The following MUC5AC variants were observed in gnomAD, a reference collection of about 807,000 sequenced individuals.
MUC5AC encodes mucin-5AC.
In MUC5AC, 158 loss-of-function variants were observed where a neutral mutation model predicts 169.7. That is an observed-to-expected ratio of 0.93 (90% CI 0.82 to 1.06). The LOEUF is 1.06. Among genes scored for constraint, MUC5AC ranks in the 50% least tolerant of loss-of-function variants. The pLI is 0.00. For synonymous variants in MUC5AC, 1,975 were observed against 1,237.0 expected, an observed-to-expected ratio of 1.60 and a Z score of -12.52; for missense variants, 4,359 against 3,089.9, an observed-to-expected ratio of 1.41 and a Z score of -9.74.
chr11:1,198,166 A>AGCCC lies in MUC5AC; in HGVS notation c.16136-100_16136-97dup, dbSNP rs1861332988. On this transcript the variant is annotated intron_variant, in intron 42 of 48. Coordinates refer to ENST00000621226, the MANE Select transcript of MUC5AC (RefSeq NM_001304359.2). ...TGAGGCTGGACAAACCCCAGTGGCG[A>AGCCC]GCCCGGGAATGAGGCGCCCAGGAGG... is the stretch of plus-strand genomic sequence containing the variant. The AGCCC allele has an allele frequency of 1.0e-5, 7 of 699,690 alleles. No individual in the cohort carries two copies. In the South Asian group the frequency reaches 1.0e-4, roughly 10 times the overall value. 43.3% of individuals were successfully genotyped at this position (699,690 alleles called of 1,614,324 possible). A position where few individuals can be genotyped will look rare whatever the true frequency, so the allele number is the denominator to read the frequency against.
chr11:1,170,265 A>G (rs1860465416), intron 15 of MUC5AC, among the ~76,000 whole-genome samples: 1 of 120,882 alleles, frequency 8.3e-6, no homozygotes, highest in African/African-American at 3.4e-5. Context: ...TCACTCACTC[A>G]CCCACTCACC....
Position 1,189,901 on chromosome 11 carries a change from C to G in MUC5AC, c.11756C>G (p.Pro3919Arg). The change falls in exon 31 of 49, where the codon CCC becomes CGC. Residue 3919 changes from proline (P) to arginine (R), a missense_variant. Coordinates refer to ENST00000621226, the MANE Select transcript of MUC5AC (RefSeq NM_001304359.2). The part of the protein sequence containing the change: ...SSTTSGSGTT[P>R]SPVPTTSTAS... ...ACAACCTCCGGTTCTGGAACTACTCCCAGCCCCGTTCCCACCACCAGCACA... is the reference window on the plus strand; with the variant it reads ...ACAACCTCCGGTTCTGGAACTACTCGCAGCCCCGTTCCCACCACCAGCACA... 4 of 765,084 alleles carry G rather than the reference C, an allele frequency of 5.2e-6. No individual in the cohort carries two copies. In the South Asian group the frequency reaches 5.4e-5, roughly 10 times the overall value. The allele number at this position is 765,084 out of a possible 1,614,324, so 47.4% of individuals were successfully genotyped here.
In MUC5AC at chr11:1,196,648, G is replaced by A. The variant is rs769134494; in HGVS notation, c.15757G>A (p.Gly5253Ser). 2.6e-5 allele frequency: 20 copies of A among 762,700 alleles called. No homozygotes were observed. Among genetic ancestry groups the A allele is most frequent in the African/African-American group, 5.1e-5 (3 of 59,104 alleles). The allele number at this position is 762,700 out of a possible 1,614,324, so 47.2% of individuals were successfully genotyped here. The change falls in exon 39 of 49, where the codon GGC (glycine) becomes AGC (serine). Residue 5253 changes from glycine to serine, a missense_variant. Transcript: ENST00000621226. ...ALPEAGPITE[G>S]CFCPEGMTLF... ...GCCGGAGGCCGGCCCCATCACCGAA[G>A]GCTGCTTCTGTCCGGAGGGCATGAC...
rs748060750 is a variant in MUC5AC, at chr11:1,194,120, C to G, written c.14766C>G (p.Ser4922Arg). ...CCTGGGGCCTGGCAGGTGTGTGCAG[C>G]GGCTGGGGTGACCCCCACTACATCA... ...CHHYQCQCVC[S>R]GWGDPHYITF... is the part of the protein sequence containing the mutation. Residue 4922 changes from serine (S) to arginine (R), a missense_variant, in exon 34 of 49, where the codon AGC (serine) becomes AGG (arginine). Ser to Arg is a moderately radical substitution (Grantham distance 110, BLOSUM62 -1). Transcript: ENST00000621226. 2.6e-6 allele frequency: 2 copies of G among 764,732 alleles called. No homozygotes were observed. Among genetic ancestry groups the G allele is most frequent in the African/African-American group, 3.4e-5 (2 of 59,152 alleles). The allele number at this position is 764,732 out of a possible 1,614,324, so 47.4% of individuals were successfully genotyped here. A position where few individuals can be genotyped will look rare whatever the true frequency, so the allele number is the denominator to read the frequency against.
chr11:1,194,505 G>A lies in MUC5AC; in HGVS notation c.15025G>A (p.Val5009Met), dbSNP rs1291600944. 2.6e-6 allele frequency: 2 copies of A among 760,488 alleles called. No individual in the cohort carries two copies. The highest frequency in any genetic ancestry group is 4.9e-5 in the East Asian group (2 of 41,088). The allele number at this position is 760,488 out of a possible 1,614,324, so 47.1% of individuals were successfully genotyped here. The change falls in exon 35 of 49, where the codon GTG becomes ATG. Residue 5009 changes from valine to methionine, a missense_variant. Physicochemically the swap from Val to Met is conservative, Grantham distance 21. Coordinates refer to ENST00000621226, the MANE Select transcript of MUC5AC (RefSeq NM_001304359.2). The stretch of plus-strand genomic sequence containing the variant: ...CGTCCAGATCATCTTCAACAACAAG[G>A]TGGTCAGCCCCGGCTTCCGGAAAAA... ...MTNEIIFNNK[V>M]VSPGFRKNGI...
At position 1,190,723 on chromosome 11, in the gene MUC5AC, C is replaced by T. The variant is rs1861069373; in HGVS notation, c.12578C>T (p.Thr4193Ile). The T allele has an allele frequency of 4.3e-6, 3 of 701,200 alleles. No individual in the cohort carries two copies. Among genetic ancestry groups the T allele is most frequent in the East Asian group, 2.7e-5 (1 of 37,328 alleles). 43.4% of individuals were successfully genotyped at this position (701,200 alleles called of 1,614,324 possible). ...TSTISAPTTS[T>I]ISSPTSSTTS... is the part of the protein sequence containing the mutation. Reference sequence around the variant, plus strand: ...ACAATCTCTGCCCCTACAACCAGCACAATCTCTTCCCCTACAAGCAGCACA... The same window carrying T: ...ACAATCTCTGCCCCTACAACCAGCATAATCTCTTCCCCTACAAGCAGCACA... The change falls in exon 31 of 49, where the codon ACA becomes ATA. Residue 4193 changes from threonine (T) to isoleucine (I), a missense_variant. Transcript: ENST00000621226.
In MUC5AC at chr11:1,194,443, C is replaced by T. The variant is rs374283871; in HGVS notation, c.15007-44C>T. The T allele has an allele frequency of 3.3e-4, 239 of 719,822 alleles. 4 individuals are homozygous for T. The highest frequency in any genetic ancestry group is 3.1e-3 in the South Asian group (219 of 69,682). The allele number at this position is 719,822 out of a possible 1,614,324, so 44.6% of individuals were successfully genotyped here. ...AGCCTGAGCAGCGGCTGACCGCCCG[C>T]CCGCCTGCCTTCTGACTTCCCGTCG... is the stretch of plus-strand genomic sequence containing the variant. On this transcript the variant is annotated intron_variant, in intron 34 of 48. Coordinates refer to ENST00000621226, the MANE Select transcript of MUC5AC (RefSeq NM_001304359.2).
chr11:1,163,036 C>A lies in MUC5AC; in HGVS notation c.670C>A (p.Leu224Ile). 6.2e-7 allele frequency: 1 copy of A among 1,612,568 alleles called. No individual in the cohort carries two copies. The highest frequency in any genetic ancestry group is 8.5e-7 in the Non-Finnish European group (1 of 1,179,760). Residue 224 changes from leucine (L) to isoleucine (I), a missense_variant, in exon 6 of 49, where the codon CTC becomes ATC. Physicochemically the swap from Leu to Ile is conservative, Grantham distance 5 (BLOSUM62 2). Transcript: ENST00000621226. Reference protein sequence around the residue: ...FNGMPVVSELLSHNTKLTPME... With the variant: ...FNGMPVVSELISHNTKLTPME... ...CGGGATGCCCGTGGTCAGCGAGCTC[C>A]TCTCCCACAGTAAGGCCCCACATCG...
chr11:1,200,488 A>G lies in MUC5AC; in HGVS notation c.16751A>G (p.Glu5584Gly). 1.4e-6 allele frequency: 1 copy of G among 738,512 alleles called. No individual in the cohort carries two copies. Among genetic ancestry groups the G allele is most frequent in the East Asian group, 2.5e-5 (1 of 39,418 alleles). The allele number at this position is 738,512 out of a possible 1,614,324, so 45.7% of individuals were successfully genotyped here. ...GAGCACAGGTGCCAGTGCTGCCAGGAGCTGCGGACCTCGCTGAGGAATGTG... is the reference window on the plus strand; with the variant it reads ...GAGCACAGGTGCCAGTGCTGCCAGGGGCTGCGGACCTCGCTGAGGAATGTG... Reference protein sequence around the residue: ...TVEHRCQCCQELRTSLRNVTL... With the variant: ...TVEHRCQCCQGLRTSLRNVTL... Residue 5584 changes from glutamate to glycine, a missense_variant, in exon 49 of 49, where the codon GAG becomes GGG. Physicochemically the swap from Glu to Gly is moderately conservative, Grantham distance 98 (BLOSUM62 -2). Transcript: ENST00000621226.
chr11:1,165,977 T>TTGGGCCTCACCCAGCAC (rs902704392), intron 11 of MUC5AC, among the ~76,000 whole-genome samples: 6 of 152,280 alleles, frequency 3.9e-5, no homozygotes, highest in African/African-American at 1.4e-4. Context: ...CCACCCAGCA[T>TTGGGCCTCACCCAGCAC]TGGGCCTCAC....
In MUC5AC at chr11:1,189,164, C is replaced by A; in HGVS notation, c.11019C>A (p.Thr3673=). ...CCTCCACTACACAGACCAGCACAAC[C>A]TCTGCCCCTACAACTAGCACAACCC... ...SITSTTQTST[T]SAPTTSTTPA... The change falls in exon 31 of 49, where the codon ACC becomes ACA. Residue 3673 remains threonine (T), a synonymous_variant. Transcript: ENST00000621226. 3 of 599,318 alleles carry A rather than the reference C, an allele frequency of 5.0e-6. No homozygotes were observed. The highest frequency in any genetic ancestry group is 3.0e-6 in the Non-Finnish European group (1 of 336,206). The allele number at this position is 599,318 out of a possible 1,614,324, so 37.1% of individuals were successfully genotyped here.
rs574045421 is a variant in MUC5AC at position 1,192,179 on chromosome 11, C to G, written c.14034C>G (p.Ala4678=). Residue 4678 remains alanine, a synonymous_variant, in exon 31 of 49, where the codon GCC becomes GCG. Coordinates refer to ENST00000621226, the MANE Select transcript of MUC5AC (RefSeq NM_001304359.2). ...AGATCACCAGGCTCCAGTGCCGAGC[C>G]GAGAGCCACCCGGAGGTGAACATTG... ...PEEITRLQCR[A]ESHPEVNIEH... The G allele has an allele frequency of 5.2e-6, 4 of 764,982 alleles. No homozygotes were observed. Among genetic ancestry groups the G allele is most frequent in the Non-Finnish European group, 9.6e-6 (4 of 417,916 alleles). 47.4% of individuals were successfully genotyped at this position (764,982 alleles called of 1,614,324 possible).
chr11:1,191,072 T>G lies in MUC5AC; in HGVS notation c.12927T>G (p.Pro4309=). Residue 4309 remains proline (P), a synonymous_variant, in exon 31 of 49, where the codon CCT becomes CCG. Coordinates refer to ENST00000621226, the MANE Select transcript of MUC5AC (RefSeq NM_001304359.2). ...PVPTTSTTSA[P]TTSTTSGPGT... ...CCACCACCAGCACAACCTCTGCTCC[T>G]ACAACTAGCACAACCTCTGGTCCTG... 1 of 751,938 alleles carries G rather than the reference T, an allele frequency of 1.3e-6. No homozygotes were observed. The highest frequency in any genetic ancestry group is 1.7e-5 in the Admixed American group (1 of 58,032). The allele number at this position is 751,938 out of a possible 1,614,324, so 46.6% of individuals were successfully genotyped here. A position where few individuals can be genotyped will look rare whatever the true frequency, so the allele number is the denominator to read the frequency against.
chr11:1,162,023 C>A lies in MUC5AC; in HGVS notation c.328C>A (p.His110Asn). Residue 110 changes from histidine to asparagine, a missense_variant, in exon 4 of 49, where the codon CAC becomes AAC. His to Asn is a moderately conservative substitution (Grantham distance 68). Transcript: ENST00000621226. ...PGLCNYVFSE[H>N]CGAAYEDFNI... ...CCTCTGCAACTACGTGTTCTCCGAG[C>A]ACTGCGGTGCCGCCTACGAGGATTT... The A allele has an allele frequency of 2.5e-6, 4 of 1,612,592 alleles. No individual in the cohort carries two copies. The highest frequency in any genetic ancestry group is 3.4e-6 in the Non-Finnish European group (4 of 1,179,798).
Position 1,187,712 on chromosome 11 carries a change from C to T in MUC5AC, c.9567C>T (p.Ser3189=), listed in dbSNP as rs1860989204. 9 of 765,016 alleles carry T rather than the reference C, an allele frequency of 1.2e-5. No individual in the cohort carries two copies. Among genetic ancestry groups the T allele is most frequent in the African/African-American group, 5.1e-5 (3 of 59,132 alleles). 47.4% of individuals were successfully genotyped at this position (765,016 alleles called of 1,614,324 possible). A position where few individuals can be genotyped will look rare whatever the true frequency, so the allele number is the denominator to read the frequency against. Residue 3189 remains serine (S), a synonymous_variant, in exon 31 of 49, where the codon AGC becomes AGT. Transcript: ENST00000621226. ...STTPGPGTTP[S]PVPTTSTASV... Reference sequence around the variant, plus strand: ...CCCCTGGTCCTGGAACCACTCCCAGCCCCGTTCCCACCACCAGCACAGCCT... The same window carrying T: ...CCCCTGGTCCTGGAACCACTCCCAGTCCCGTTCCCACCACCAGCACAGCCT...
chr11:1,160,738 T>C, intron 2 of MUC5AC, 49 bp downstream of exon 2: 1 of 1,555,942 alleles, frequency 6.4e-7, no homozygotes, highest in Admixed American at 1.8e-5. Context: ...GATTCCACCC[T>C]CCACCGTGTG....
At position 1,169,134 on chromosome 11, in the gene MUC5AC, G is replaced by T. The variant is rs557166186; in HGVS notation, c.1870+108G>T. ...CCGGCCCTGCGTGTGCCTGTGAGCC[G>T]GGTGGGGTGGCTCACGAAGGGGCCC... is the stretch of plus-strand genomic sequence containing the variant. On this transcript the variant is annotated intron_variant, in intron 15 of 48. Transcript: ENST00000621226. The T allele has an allele frequency of 9.9e-6, 14 of 1,418,578 alleles. No homozygotes were observed. In the African/African-American group the frequency reaches 2.0e-4, roughly 20 times the overall value. 87.9% of individuals were successfully genotyped at this position (1,418,578 alleles called of 1,614,324 possible).
In MUC5AC at chr11:1,158,010, G is replaced by A; in HGVS notation, c.11G>A (p.Gly4Asp). Residue 4 changes from glycine (G) to aspartate (D), a missense_variant, in exon 1 of 49, where the codon GGC (glycine) becomes GAC (aspartate). Physicochemically the swap from Gly to Asp is moderately conservative, Grantham distance 94. Transcript: ENST00000621226. Reference sequence around the variant, plus strand: ...CCCGCCGTCCACACAATGAGTGTTGGCCGGAGGAAGCTGGCCCTGCTCTGG... The same window carrying A: ...CCCGCCGTCCACACAATGAGTGTTGACCGGAGGAAGCTGGCCCTGCTCTGG... MSVGRRKLALLWAL... is the reference protein window; with the variant it reads MSVDRRKLALLWAL... 6.2e-7 allele frequency: 1 copy of A among 1,601,504 alleles called. No homozygotes were observed. Among genetic ancestry groups the A allele is most frequent in the Non-Finnish European group, 8.5e-7 (1 of 1,175,368 alleles).
chr11:1,158,164 C>T (rs1860016189), intron 1 of MUC5AC, 92 bp downstream of exon 1: 2 of 1,213,050 alleles, frequency 1.6e-6, no homozygotes, highest in South Asian at 2.7e-5. Context: ...GGGTTCCGGG[C>T]AGGCTGCATG....
Sources: gnomAD v4.1 joint callset for allele counts (sites outside exome capture counted in the v4.1 genomes callset) on GRCh38, gnomAD v4.1.1 for gene constraint, MANE v1.5 for transcripts, NCBI Gene and HGNC (gene_info 2026-07-23, HGNC 2026-07-21) for gene names.